The following ASTN1 variants were observed in gnomAD, a reference collection of about 807,000 sequenced individuals.
ASTN1 encodes the protein astrotactin-1.
A neutral mutation model predicts 140.7 loss-of-function variants in ASTN1; 41 were observed. The ratio of observed to expected loss-of-function variants is 0.29; its 90% CI spans 0.23 to 0.38. ASTN1 has a LOEUF of 0.38. Ranked by LOEUF, ASTN1 falls within the 10% of genes least tolerant of loss-of-function variation. ASTN1 has a pLI of 1.00. For missense variants in ASTN1, 1,479 were observed against 1,678.8 expected, an observed-to-expected ratio of 0.88 and a Z score of 2.08; for synonymous variants, 640 against 652.2, an observed-to-expected ratio of 0.98 and a Z score of 0.29.
At chr1:177,159,530 AC>A (rs1337358184) in intron 1 of ASTN1, among the ~76,000 whole-genome samples, 2 of 152,220 alleles carry the variant, frequency 1.3e-5, no homozygotes, top group Admixed American at 6.5e-5. Context: ...GCCAAAGCTC[AC>A]CCATAAGTAA....
intron 16 of ASTN1, among the ~76,000 whole-genome samples, chr1:176,921,505 G>A (rs1052933889): frequency 6.6e-6 from 1 of 152,128 alleles, no homozygotes; most frequent in Non-Finnish European, 1.5e-5. Context: ...TACTCACTTT[G>A]TAAAAGAAAG....
At chr1:176,892,687 C>T (rs1033030156) in intron 17 of ASTN1, among the ~76,000 whole-genome samples, 2 of 152,088 alleles carry the variant, frequency 1.3e-5, no homozygotes, top group African/African-American at 2.4e-5. Flanking sequence ...ACAATGAGAC[C>T]AACAAAGGTC....
At chr1:177,149,221 A>G (rs1176465255) in intron 1 of ASTN1, among the ~76,000 whole-genome samples, 1 of 98,792 alleles carries the variant, frequency 1.0e-5, no homozygotes, top group Non-Finnish European at 1.7e-5. Context: ...TATATAGTAA[A>G]TATATATAGT....
intron 1 of ASTN1, among the ~76,000 whole-genome samples, chr1:177,081,379 G>C (rs1045891372): frequency 2.0e-5 from 3 of 152,164 alleles, no homozygotes; most frequent in African/African-American, 7.2e-5. Context: ...TATCAACATG[G>C]GCAGGGGAAA....
intron 11 of ASTN1, among the ~76,000 whole-genome samples, chr1:176,953,490 C>G (rs938432846): frequency 1.3e-5 from 2 of 152,196 alleles, no homozygotes; most frequent in African/African-American, 4.8e-5. Flanking sequence ...CAGGCTCAAG[C>G]CATGCAGGAC....
At chr1:177,014,681 A>G (rs1675454212) in intron 8 of ASTN1, 110 bp downstream of exon 8, 1 of 988,164 alleles carries the variant, frequency 1.0e-6, no homozygotes, top group Middle Eastern at 2.3e-4. Context: ...TGCTGTTCAG[A>G]ATATAGCCAC....
At chr1:176,857,686 T>A (rs1005284612), downstream of ASTN1, 32 of 557,556 alleles carry the variant, frequency 5.7e-5, no homozygotes, top group East Asian at 1.1e-3. Flanking sequence ...GTTTCAATAG[T>A]TTATAAGAGT....
intron 1 of ASTN1, among the ~76,000 whole-genome samples, chr1:177,127,059 G>C (rs1681690662): frequency 6.6e-6 from 1 of 152,138 alleles, no homozygotes; most frequent in African/African-American, 2.4e-5. Context: ...GGCTTTTAGA[G>C]GGTGAGCAAT....
intron 1 of ASTN1, among the ~76,000 whole-genome samples, chr1:177,139,609 G>A (rs1221146791): frequency 6.6e-6 from 1 of 152,118 alleles, no homozygotes; most frequent in East Asian, 1.9e-4. Context: ...TTAGAAATAA[G>A]GGCAAAACCT....
chr1:177,118,434 G>A (rs552207777), intron 1 of ASTN1, among the ~76,000 whole-genome samples: 2 of 152,164 alleles, frequency 1.3e-5, no homozygotes, highest in East Asian at 1.9e-4. Context: ...TCACTCTCCC[G>A]TGCTCTAAAA....
intron 2 of ASTN1, among the ~76,000 whole-genome samples, chr1:177,055,627 A>G (rs1677763294): frequency 6.6e-6 from 1 of 152,190 alleles, no homozygotes; most frequent in South Asian, 2.1e-4. Context: ...ATTGCAAGAA[A>G]AGTCTTCTTT....
intron 11 of ASTN1, among the ~76,000 whole-genome samples, chr1:176,952,760 T>A (rs1672245612): frequency 6.6e-6 from 1 of 152,122 alleles, no homozygotes; most frequent in Non-Finnish European, 1.5e-5. Flanking sequence ...AGGAGAAGCA[T>A]GCATTTTCTG....
At chr1:176,980,480 C>T (rs1053612074) in intron 8 of ASTN1, among the ~76,000 whole-genome samples, 5 of 152,138 alleles carry the variant, frequency 3.3e-5, no homozygotes, top group Admixed American at 2.6e-4. Flanking sequence ...CTCTCCCAAA[C>T]TCTAGGAAGC....
chr1:177,079,655 A>T (rs1365010089), intron 1 of ASTN1, among the ~76,000 whole-genome samples: 1 of 151,974 alleles, frequency 6.6e-6, no homozygotes, highest in East Asian at 1.9e-4. Context: ...TGGAGCCCAA[A>T]TCTAGTATCC....
intron 1 of ASTN1, among the ~76,000 whole-genome samples, chr1:177,162,606 T>C (rs982442372): frequency 6.6e-6 from 1 of 152,140 alleles, no homozygotes; most frequent in Non-Finnish European, 1.5e-5. Flanking sequence ...AAAAAAGAAA[T>C]GAAATGTTGA....
In ASTN1 at chr1:176,958,397, A is replaced by G; in HGVS notation, c.1684T>C (p.Ser562Pro). The change falls in exon 10 of 23, where the codon TCA becomes CCA. Residue 562 changes from serine (S) to proline (P), a missense_variant. Coordinates refer to ENST00000361833, the MANE Select transcript of ASTN1 (RefSeq NM_004319.3). ...IPPAELAINP[S>P]AKCKTDMTVM... ...GTCATGTCCGTCTTGCACTTTGCTG[A>G]TGGATTGATGGCCAGTTCGGCTGGT... is the stretch of plus-strand genomic sequence containing the variant. 1.2e-6 allele frequency: 2 copies of G among 1,614,086 alleles called. No individual in the cohort carries two copies. Among genetic ancestry groups the G allele is most frequent in the Non-Finnish European group, 1.7e-6 (2 of 1,179,990 alleles).
chr1:177,107,623 G>GTC (rs1476252656), intron 1 of ASTN1, among the ~76,000 whole-genome samples: 3 of 152,140 alleles, frequency 2.0e-5, no homozygotes, highest in African/African-American at 4.8e-5. Flanking sequence ...AGCTGGCTGT[G>GTC]TCTCTCAATG....
intron 1 of ASTN1, among the ~76,000 whole-genome samples, chr1:177,072,574 G>C (rs1310354440): frequency 2.0e-5 from 3 of 152,154 alleles, no homozygotes; most frequent in African/African-American, 7.2e-5. Flanking sequence ...TGATTGCTAA[G>C]GTATCTTGTT....
At chr1:176,956,373 A>C (rs1478822441) in intron 11 of ASTN1, among the ~76,000 whole-genome samples, 1 of 152,138 alleles carries the variant, frequency 6.6e-6, no homozygotes, top group Non-Finnish European at 1.5e-5. Context: ...TCCACCCTGT[A>C]CCAGGCACAT....
Sources: allele counts gnomAD v4.1 joint callset (sites outside exome capture counted in the v4.1 genomes callset), GRCh38; gene constraint gnomAD v4.1.1; transcripts MANE v1.5; gene names NCBI Gene and HGNC (gene_info 2026-07-23, HGNC 2026-07-21).